FGD4: variants seen among roughly 807,000 people sequenced by gnomAD.
The protein encoded by FGD4 is FYVE, RhoGEF and PH domain-containing protein 4.
A neutral mutation model predicts 102.0 loss-of-function variants in FGD4; 42 were observed. That is an observed-to-expected ratio of 0.41 (90% CI 0.32 to 0.53). The LOEUF is 0.53. Ranked by LOEUF, FGD4 falls within the 20% of genes least tolerant of loss-of-function variation. The pLI, the probability that FGD4 is intolerant of heterozygous loss-of-function variation, is 0.21. For synonymous variants in FGD4, 380 were observed against 375.7 expected, an observed-to-expected ratio of 1.01 and a Z score of -0.13; for missense variants, 902 against 1,078.2, an observed-to-expected ratio of 0.84 and a Z score of 2.29.
rs560123426 is a variant in FGD4 at position 32,494,021 on chromosome 12, G to C, written c.167-70116G>C. Among the ~76,000 whole-genome samples the C allele has an allele frequency of 6.6e-5, 10 of 152,268 alleles. No individual in the cohort carries two copies. In the East Asian group the frequency reaches 1.9e-3, roughly 29 times the overall value. ...TGCAGATGTAAAGGGTCTGAGGCAG[G>C]AATGAGCTTTTGTAGTCAAACTTCG... On this transcript the variant is annotated intron_variant, in intron 1 of 16. Coordinates refer to ENST00000534526, the MANE Select transcript of FGD4 (RefSeq NM_001370298.3).
chr12:32,563,740 T>G (rs1944915269), intron 1 of FGD4, among the ~76,000 whole-genome samples: 3 of 152,168 alleles, frequency 2.0e-5, no homozygotes, highest in Admixed American at 6.5e-5. Context: ...AGACTCCATC[T>G]GCAATCCCGG....
chr12:32,480,928 C>G (rs959852147), intron 1 of FGD4, among the ~76,000 whole-genome samples: 10 of 151,236 alleles, frequency 6.6e-5, no homozygotes, highest in Admixed American at 2.0e-4. Context: ...CTTACATTCT[C>G]AAGTAGCTGG....
chr12:32,534,519 GTAGA>G, intron 1 of FGD4: 3 of 1,432,982 alleles, frequency 2.1e-6, no homozygotes, highest in Non-Finnish European at 2.8e-6. Flanking sequence ...TCATTTTCTA[GTAGA>G]TATATTTTTT....
At chr12:32,412,132 C>A (rs1015501227) in intron 1 of FGD4, among the ~76,000 whole-genome samples, 1 of 152,158 alleles carries the variant, frequency 6.6e-6, no homozygotes, top group African/African-American at 2.4e-5. Flanking sequence ...TGGTATTCTG[C>A]TGAGTAATAA....
rs138399300 is a variant in FGD4 at position 32,598,679 on chromosome 12, A to C, written c.1101+93A>C. 1.5e-5 allele frequency: 16 copies of C among 1,088,330 alleles called. No individual in the cohort carries two copies. In the East Asian group the frequency reaches 3.8e-4, roughly 26 times the overall value. 67.4% of individuals were successfully genotyped at this position (1,088,330 alleles called of 1,614,324 possible). ...AGTATTTTAGAAACTGCATGAAGGAAGGGCCTGTTTTTGGCTAGTGAAAGG... is the reference window on the plus strand; with the variant it reads ...AGTATTTTAGAAACTGCATGAAGGACGGGCCTGTTTTTGGCTAGTGAAAGG... On this transcript the variant is annotated intron_variant, in intron 5 of 16. Transcript: ENST00000534526.
At position 32,620,528 on chromosome 12, in the gene FGD4, T is replaced by TTC. The variant is rs1565915803; in HGVS notation, c.1922+659_1922+660insCT. On this transcript the variant is annotated intron_variant, in intron 11 of 16. Coordinates refer to ENST00000534526, the MANE Select transcript of FGD4 (RefSeq NM_001370298.3). ...AACCATTTTTTTTCTTTCTTTTTTT[T>TTC]TTTTTTTTTTTTTTTGAGATGGAGT... Among the ~76,000 whole-genome samples the TTC allele has an allele frequency of 2.5e-3, 277 of 109,504 alleles. 2 individuals carry two copies. Among genetic ancestry groups the TTC allele is most frequent in the African/African-American group, 9.3e-3 (261 of 28,170 alleles). 71.8% of individuals were successfully genotyped at this position (109,504 alleles called of 152,430 possible). A position where few individuals can be genotyped will look rare whatever the true frequency, so the allele number is the denominator to read the frequency against.
chr12:32,450,886 T>C (rs1402040931), intron 1 of FGD4, among the ~76,000 whole-genome samples: 1 of 152,204 alleles, frequency 6.6e-6, no homozygotes, highest in Non-Finnish European at 1.5e-5. Context: ...ACTTACTTAG[T>C]CAATCCTGCT....
chr12:32,639,935 A>T (rs1354258117), intron 16 of FGD4, among the ~76,000 whole-genome samples: 1 of 152,166 alleles, frequency 6.6e-6, no homozygotes, highest in Non-Finnish European at 1.5e-5. Context: ...TAGTAATGAG[A>T]TTCTCATTAC....
rs575943561 is a variant in FGD4, at chr12:32,604,936, C to CTTTTTTTTTTTTTTTTTT, written c.1404+2621_1404+2638dup. Among the ~76,000 whole-genome samples the CTTTTTTTTTTTTTTTTTT allele has an allele frequency of 2.0e-4, 19 of 94,520 alleles. 3 individuals are homozygous for CTTTTTTTTTTTTTTTTTT. The highest frequency in any genetic ancestry group is 7.0e-4 in the African/African-American group (14 of 20,026). 62.0% of individuals were successfully genotyped at this position (94,520 alleles called of 152,430 possible). ...TCAATTTTATCTAGCTTTATAGCTG[C>CTTTTTTTTTTTTTTTTTT]TTTTTTTTTTTTTTTTTTTGGAGTT... On this transcript the variant is annotated intron_variant, in intron 7 of 16. Coordinates refer to ENST00000534526, the MANE Select transcript of FGD4 (RefSeq NM_001370298.3).
chr12:32,582,535 T>C, intron 4 of FGD4, 68 bp downstream of exon 4: 4 of 1,583,668 alleles, frequency 2.5e-6, no homozygotes, highest in African/African-American at 1.3e-5. Context: ...TAAAACTCTT[T>C]ATTTATTGCA....
At chr12:32,566,767 G>A (rs1302965875) in intron 2 of FGD4, among the ~76,000 whole-genome samples, 2 of 152,146 alleles carry the variant, frequency 1.3e-5, no homozygotes, top group African/African-American at 4.8e-5. Flanking sequence ...AGAAGGGGGT[G>A]TTAATAGGGA....
chr12:32,602,435 C>A, intron 7 of FGD4, 118 bp downstream of exon 7: 4 of 1,171,784 alleles, frequency 3.4e-6, no homozygotes, highest in Non-Finnish European at 5.0e-6. Context: ...AAAATTCATT[C>A]TACTCCAAAT....
intron 1 of FGD4, among the ~76,000 whole-genome samples, chr12:32,451,575 CT>C (rs1361472248): frequency 6.6e-6 from 1 of 151,584 alleles, no homozygotes; most frequent in South Asian, 2.1e-4. Flanking sequence ...TTAGAAAGGT[CT>C]TTTTTTTCTT....
intron 1 of FGD4, among the ~76,000 whole-genome samples, chr12:32,433,886 T>C (rs1398313266): frequency 3.9e-5 from 6 of 152,008 alleles, no homozygotes; most frequent in Admixed American, 3.9e-4. Flanking sequence ...AGACGGAGTC[T>C]TGCTCTGTCG....
intron 12 of FGD4, 57 bp downstream of exon 12, chr12:32,624,509 T>C (rs1313388524): frequency 7.2e-7 from 1 of 1,391,914 alleles, no homozygotes; most frequent in Non-Finnish European, 1.0e-6. Context: ...AGAGTCTCAC[T>C]CTCACCCAGT....
chr12:32,493,919 C>T (rs970286353), intron 1 of FGD4, among the ~76,000 whole-genome samples: 10 of 152,244 alleles, frequency 6.6e-5, no homozygotes, highest in South Asian at 4.1e-4. Context: ...GAGGAAGTGG[C>T]GTTCAGCAGA....
intron 5 of FGD4, among the ~76,000 whole-genome samples, chr12:32,599,466 G>A (rs1948182764): frequency 1.1e-5 from 1 of 94,386 alleles, no homozygotes; most frequent in Non-Finnish European, 2.0e-5. Context: ...TAGCACTCCA[G>A]CCTGGGTGAC....
At position 32,582,470 on chromosome 12, in the gene FGD4, A is replaced by G. The variant is rs1272302756; in HGVS notation, c.1011+3A>G. 6.2e-7 allele frequency: 1 copy of G among 1,608,756 alleles called. No homozygotes were observed. Among genetic ancestry groups the G allele is most frequent in the Admixed American group, 1.7e-5 (1 of 60,034 alleles). ...TGGACCAGCACCATGAGATGAAGGT[A>G]GAGCATGAGACTAGCTCATGAGCAG... On this transcript the variant is annotated splice_donor_region_variant and intron_variant, in intron 4 of 16. Transcript: ENST00000534526.
At position 32,582,021 on chromosome 12, in the gene FGD4, A is replaced by T; in HGVS notation, c.565A>T (p.Thr189Ser). The T allele has an allele frequency of 6.2e-7, 1 of 1,614,140 alleles. No homozygotes were observed. Among genetic ancestry groups the T allele is most frequent in the Non-Finnish European group, 8.5e-7 (1 of 1,180,032 alleles). The change falls in exon 4 of 17, where the codon ACC (threonine) becomes TCC (serine). Residue 189 changes from threonine to serine, a missense_variant. Physicochemically the swap from Thr to Ser is moderately conservative, Grantham distance 58. This residue lies in a region of FGD4 where 443 missense variants were observed against 459.2 expected (regional missense o/e 0.96). Coordinates refer to ENST00000534526, the MANE Select transcript of FGD4 (RefSeq NM_001370298.3). ...ESAVNLNAPR[T>S]PGRHGLTTTP... ...TGCTGTGAACCTAAATGCTCCTAGA[A>T]CCCCAGGAAGGCATGGATTGACAAC...
Sources: gnomAD v4.1 joint callset for allele counts (sites outside exome capture counted in the v4.1 genomes callset) on GRCh38, gnomAD v4.1.1 for gene constraint, gnomAD v4.1.1 regional missense constraint, MANE v1.5 for transcripts, NCBI Gene and HGNC (gene_info 2026-07-23, HGNC 2026-07-21) for gene names.